Variants in PHF2 observed in about 807,000 individuals in gnomAD.
PHF2 encodes the protein PHD finger protein 2, also known as lysine-specific demethylase PHF2.
A neutral mutation model predicts 120.5 loss-of-function variants in PHF2; 27 were observed. The ratio of observed to expected loss-of-function variants is 0.22; its 90% confidence interval spans 0.17 to 0.31. The LOEUF (loss-of-function observed/expected upper bound fraction) is 0.31. PHF2 is among the 10% of genes least tolerant of loss of function. The pLI, the probability that PHF2 is intolerant of heterozygous loss-of-function variation, is 1.00. For missense variants in PHF2, 1,024 were observed against 1,434.8 expected, an observed-to-expected ratio of 0.71 and a Z score of 4.63; for synonymous variants, 568 against 592.5, an observed-to-expected ratio of 0.96 and a Z score of 0.60.
chr9:93,604,072 C>T (rs1175927815), intron 1 of PHF2, among the ~76,000 whole-genome samples: 5 of 152,214 alleles, frequency 3.3e-5, no homozygotes, highest in Non-Finnish European at 4.4e-5. Context: ...GTCCCAGCTT[C>T]TAACTCTGGA....
intron 5 of PHF2, among the ~76,000 whole-genome samples, chr9:93,650,035 G>A (rs1587706044): frequency 6.7e-6 from 1 of 149,068 alleles, no homozygotes; most frequent in Non-Finnish European, 1.5e-5. Flanking sequence ...GCCAACACAC[G>A]ACACATTCAC....
Position 93,674,998 on chromosome 9 carries a change from G to A in PHF2, c.2698G>A (p.Asp900Asn). The A allele has an allele frequency of 6.2e-7, 1 of 1,613,818 alleles. No homozygotes were observed. Among genetic ancestry groups the A allele is most frequent in the African/African-American group, 1.3e-5 (1 of 75,040 alleles). Residue 900 changes from aspartate (D) to asparagine (N), a missense_variant, in exon 19 of 22, where the codon GAC (aspartate) becomes AAC (asparagine). By Grantham distance (23) the Asp-to-Asn change is conservative (BLOSUM62 1). Around this residue, in one of 2 missense-constraint regions of PHF2, gnomAD observed 677 missense variants for 857.4 expected, o/e 0.79. Transcript: ENST00000359246. ...KSRSKKRKGS[D>N]DAPYSPTARV... ...CCGGTCGAAGAAAAGGAAAGGCTCA[G>A]ACGACGCTCCCTACAGCCCAACAGG...
chr9:93,607,274 G>T (rs565077325), intron 1 of PHF2, among the ~76,000 whole-genome samples: 90 of 151,932 alleles, frequency 5.9e-4, no homozygotes, highest in Admixed American at 1.0e-3. Flanking sequence ...TGTTGTTGTT[G>T]TTTTTTGTTT....
intron 1 of PHF2, among the ~76,000 whole-genome samples, chr9:93,593,084 CAA>C (rs200919035): frequency 3.2e-3 from 263 of 83,298 alleles, no homozygotes; most frequent in African/African-American, 0.013. Flanking sequence ...TCCTTTATGC[CAA>C]AAAAAAAAAA....
intron 1 of PHF2, among the ~76,000 whole-genome samples, chr9:93,588,956 A>G (rs1036504901): frequency 6.6e-6 from 1 of 152,198 alleles, no homozygotes; most frequent in Non-Finnish European, 1.5e-5. Context: ...AGGCAATGCC[A>G]GGAGTGACCT....
chr9:93,670,072 G>T (rs891584187), intron 17 of PHF2, among the ~76,000 whole-genome samples: 4 of 152,246 alleles, frequency 2.6e-5, no homozygotes, highest in African/African-American at 9.6e-5. Context: ...CATCTGAATG[G>T]TTTTACTGAA....
rs1383550448 is a variant in PHF2 at position 93,645,687 on chromosome 9, G to A, written c.358G>A (p.Glu120Lys). The A allele has an allele frequency of 6.2e-7, 1 of 1,613,004 alleles. No homozygotes were observed. The highest frequency in any genetic ancestry group is 2.2e-5 in the East Asian group (1 of 44,872). The change falls in exon 4 of 22, where the codon GAG (glutamate) becomes AAG (lysine). Residue 120 changes from glutamate to lysine, a missense_variant. Transcript: ENST00000359246. ...TCAGCTCACGCTGGGCTACATGGAGGAGCACGGCTTCACCGAGCCCATCCT... is the reference window on the plus strand; with the variant it reads ...TCAGCTCACGCTGGGCTACATGGAGAAGCACGGCTTCACCGAGCCCATCCT... ...GSQLTLGYME[E>K]HGFTEPILVP...
intron 19 of PHF2, 144 bp from the exon 20 acceptor site, chr9:93,675,536 G>A: frequency 1.6e-6 from 1 of 639,624 alleles, no homozygotes; most frequent in East Asian, 2.7e-5. Context: ...CCTATTGTGA[G>A]GCGGCTTCAC....
intron 19 of PHF2, 142 bp from the exon 20 acceptor site, chr9:93,675,538 C>T (rs925393204): frequency 2.0e-5 from 13 of 642,230 alleles, no homozygotes; most frequent in South Asian, 3.8e-5. Context: ...TATTGTGAGG[C>T]GGCTTCACAG....
rs1016745381 is a variant in PHF2, at chr9:93,667,146, A to G, written c.2254A>G (p.Arg752Gly). 1.1e-4 allele frequency: 171 copies of G among 1,613,180 alleles called. No individual in the cohort carries two copies. The highest frequency in any genetic ancestry group is 1.4e-4 in the Non-Finnish European group (168 of 1,179,988). ...AGACACCAAGCCCGGCCGCAATGCC[A>G]GAGTCAAGAAGGAGAGTGGGAGCTC... ...DTDTKPGRNA[R>G]VKKESGSSAA... The change falls in exon 17 of 22, where the codon AGA (arginine) becomes GGA (glycine). Residue 752 changes from arginine (R) to glycine (G), a missense_variant. Arg to Gly is a moderately radical substitution (Grantham distance 125). Coordinates refer to ENST00000359246, the MANE Select transcript of PHF2 (RefSeq NM_005392.4).
intron 1 of PHF2, among the ~76,000 whole-genome samples, chr9:93,628,136 T>C (rs775073743): frequency 2.0e-5 from 3 of 152,242 alleles, no homozygotes; most frequent in Non-Finnish European, 4.4e-5. Flanking sequence ...CCCCTTAATA[T>C]GCTCCTAGAC....
At chr9:93,585,668 C>T (rs1301071596) in intron 1 of PHF2, among the ~76,000 whole-genome samples, 1 of 152,248 alleles carries the variant, frequency 6.6e-6, no homozygotes. Context: ...CTGATACACC[C>T]ACCCCTGGGG....
chr9:93,665,920 G>T, intron 15 of PHF2, 56 bp downstream of exon 15: 6 of 1,612,460 alleles, frequency 3.7e-6, no homozygotes, highest in Non-Finnish European at 5.1e-6. Flanking sequence ...TCCTGCCCCG[G>T]AGAGGTCTTC....
chr9:93,655,594 G>T (rs1180363991), intron 7 of PHF2, among the ~76,000 whole-genome samples: 5 of 152,216 alleles, frequency 3.3e-5, no homozygotes, highest in Non-Finnish European at 7.3e-5. Context: ...GCCCCCTCAA[G>T]TGGTCTGAGT....
intron 1 of PHF2, among the ~76,000 whole-genome samples, chr9:93,607,940 TGAGAGAGAGA>T (rs138717280): frequency 4.7e-5 from 6 of 128,406 alleles, no homozygotes; most frequent in African/African-American, 1.8e-4. Flanking sequence ...GGGAAAGAGA[TGAGAGAGAGA>T]GAGAGAGAGA....
Position 93,636,422 on chromosome 9 carries a change from C to A in PHF2, c.196C>A (p.Arg66=). Residue 66 remains arginine (R), a synonymous_variant, in exon 3 of 22, where the codon CGG becomes AGG. Transcript: ENST00000359246. The stretch of plus-strand genomic sequence containing the variant: ...GGTCTCCTCCACAGTAAAGAAGAAG[C>A]GGACCTGGCACAAACACGGCCCGGG... ...THGKSTLKKK[R]TWHKHGPGQA... is the part of the protein sequence containing the mutation. 2 of 1,606,374 alleles carry A rather than the reference C, an allele frequency of 1.2e-6. No individual in the cohort carries two copies. The highest frequency in any genetic ancestry group is 1.7e-6 in the Non-Finnish European group (2 of 1,176,616).
chr9:93,627,906 T>A (rs1382720632), intron 1 of PHF2, among the ~76,000 whole-genome samples: 1 of 152,198 alleles, frequency 6.6e-6, no homozygotes, highest in Admixed American at 6.5e-5. Context: ...GCCCTGCTGC[T>A]TCTTGTATTT....
chr9:93,582,861 A>G (rs1862957363), intron 1 of PHF2, among the ~76,000 whole-genome samples: 1 of 152,250 alleles, frequency 6.6e-6, no homozygotes, highest in Non-Finnish European at 1.5e-5. Flanking sequence ...ATATTTAGCT[A>G]GAAATGTGCA....
chr9:93,653,311 C>T lies in PHF2; in HGVS notation c.735C>T (p.Tyr245=), dbSNP rs1028313003. 34 of 1,613,906 alleles carry T rather than the reference C, an allele frequency of 2.1e-5. No individual in the cohort carries two copies. The highest frequency in any genetic ancestry group is 2.8e-5 in the Non-Finnish European group (33 of 1,180,038). ...KYCLICVKDS[Y]TDFHIDSGGA... ...GCCTAATCTGCGTGAAGGACAGTTA[C>T]ACCGACTTCCACATCGACTCTGGGG... Residue 245 remains tyrosine, a synonymous_variant, in exon 6 of 22, where the codon TAC becomes TAT. Transcript: ENST00000359246.
Sources: allele counts gnomAD v4.1 joint callset (sites outside exome capture counted in the v4.1 genomes callset), GRCh38; gene constraint gnomAD v4.1.1; regional missense constraint gnomAD v4.1.1; transcripts MANE v1.5; gene names NCBI Gene and HGNC (gene_info 2026-07-23, HGNC 2026-07-21).